Variants in NPY2R observed in about 807,000 individuals in gnomAD.
The protein encoded by NPY2R is neuropeptide Y receptor Y2, also known as neuropeptide Y receptor type 2.
Under a neutral mutation model 22.3 loss-of-function variants are expected in NPY2R, and 17 were observed. The ratio of observed to expected loss-of-function variants is 0.76; its 90% CI spans 0.52 to 1.14. NPY2R has a LOEUF of 1.14. Among genes scored for constraint, NPY2R ranks in the 50% most tolerant of loss-of-function variants. The pLI is 0.00. For synonymous variants in NPY2R, 209 were observed against 183.4 expected (o/e 1.14, Z -1.13); for missense variants, 424 against 467.9 (o/e 0.91, Z 0.87).
upstream of NPY2R, among the ~76,000 whole-genome samples, chr4:155,204,868 C>T (rs977695263): frequency 5.3e-5 from 6 of 112,150 alleles, no homozygotes; most frequent in South Asian, 2.9e-4. Context: ...TATACTGGGG[C>T]GGGGGGCGGG....
chr4:155,197,453 C>T, the NPY2R span, among the ~76,000 whole-genome samples: 1 of 151,776 alleles, frequency 6.6e-6, no homozygotes, highest in African/African-American at 2.4e-5. Flanking sequence ...TCTTTCCTGC[C>T]TGCTTTCCTT....
At chr4:155,211,862 A>G (rs1037131662) in intron 1 of NPY2R, among the ~76,000 whole-genome samples, 3 of 152,206 alleles carry the variant, frequency 2.0e-5, no homozygotes, top group East Asian at 1.9e-4. Context: ...GGTCTGTCCT[A>G]TGAAAACCAG....
rs1460626343 is a variant in NPY2R, at chr4:155,214,760, T to C, written c.821T>C (p.Val274Ala). The change falls in exon 2 of 2, where the codon GTG becomes GCG. Residue 274 changes from valine to alanine, a missense_variant. Val to Ala is a moderately conservative substitution (Grantham distance 64, BLOSUM62 0). Transcript: ENST00000329476. Reference protein sequence around the residue: ...QKTTKMLVCVVVVFAVSWLPL... With the variant: ...QKTTKMLVCVAVVFAVSWLPL... ...ACCACCAAAATGCTGGTGTGTGTGGTGGTGGTGTTTGCGGTCAGCTGGCTG... is the reference window on the plus strand; with the variant it reads ...ACCACCAAAATGCTGGTGTGTGTGGCGGTGGTGTTTGCGGTCAGCTGGCTG... The C allele has an allele frequency of 1.2e-6, 2 of 1,613,962 alleles. No homozygotes were observed. The highest frequency in any genetic ancestry group is 1.1e-5 in the South Asian group (1 of 91,088).
the NPY2R span, among the ~76,000 whole-genome samples, chr4:155,174,484 A>ATATTTTT: frequency 0.042 from 4,408 of 105,924 alleles, 96 homozygotes; most frequent in Middle Eastern, 0.061. Flanking sequence ...ATATATATAT[A>ATATTTTT]TTTTTTTTTT....
chr4:155,210,942 T>A (rs2111039063), intron 1 of NPY2R, among the ~76,000 whole-genome samples: 1 of 151,772 alleles, frequency 6.6e-6, no homozygotes, highest in Non-Finnish European at 1.5e-5. Flanking sequence ...ATTTAAAATG[T>A]TATAATCAGG....
chr4:155,204,705 T>A (rs1405261820), upstream of NPY2R, among the ~76,000 whole-genome samples: 1 of 152,086 alleles, frequency 6.6e-6, no homozygotes, highest in Non-Finnish European at 1.5e-5. Flanking sequence ...TTGACATATT[T>A]TTAAGCTTAA....
At chr4:155,196,219 T>C in the NPY2R span, among the ~76,000 whole-genome samples, 3 of 151,432 alleles carry the variant, frequency 2.0e-5, no homozygotes, top group Non-Finnish European at 4.4e-5. Flanking sequence ...TCACTTTTTC[T>C]GCTTCTTCTT....
chr4:155,191,738 A>T, the NPY2R span, among the ~76,000 whole-genome samples: 2 of 151,880 alleles, frequency 1.3e-5, no homozygotes, highest in African/African-American at 4.8e-5. Context: ...GCTGGACTAA[A>T]TTTATGGCTT....
rs916968940 is a variant in NPY2R, at chr4:155,209,050, A to G, written c.-68A>G. ...CACATCTTGTTTCCGCGTCTCCGCA[A>G]AAACGCGAGGTCCAGGTCAGTAAGT... On this transcript the variant is annotated 5_prime_UTR_variant, in exon 1 of 2. Coordinates refer to ENST00000329476, the MANE Select transcript of NPY2R (RefSeq NM_000910.4). The G allele has an allele frequency of 3.9e-5, 6 of 152,296 alleles. No individual in the cohort carries two copies. Among genetic ancestry groups the G allele is most frequent in the African/African-American group, 7.2e-5 (3 of 41,458 alleles). 9.4% of individuals were successfully genotyped at this position (152,296 alleles called of 1,614,324 possible). A position where few individuals can be genotyped will look rare whatever the true frequency, so the allele number is the denominator to read the frequency against.
chr4:155,188,799 G>A, the NPY2R span, among the ~76,000 whole-genome samples: 2,261 of 152,126 alleles, frequency 0.015, 34 homozygotes, highest in Non-Finnish European at 0.023. Flanking sequence ...CCTCAGATGG[G>A]ACCCCATATT....
chr4:155,213,650 C>G (rs41280477), intron 1 of NPY2R, among the ~76,000 whole-genome samples: 57 of 152,132 alleles, frequency 3.7e-4, no homozygotes, highest in African/African-American at 1.3e-3. Flanking sequence ...TATACTTTAC[C>G]GTCATAGCAT....
chr4:155,186,243 A>C, the NPY2R span, among the ~76,000 whole-genome samples: 1 of 152,162 alleles, frequency 6.6e-6, no homozygotes, highest in Non-Finnish European at 1.5e-5. Context: ...ATATAAAACA[A>C]TTTGTCAGAC....
the NPY2R span, among the ~76,000 whole-genome samples, chr4:155,186,217 A>T: frequency 6.6e-6 from 1 of 152,174 alleles, no homozygotes; most frequent in African/African-American, 2.4e-5. Flanking sequence ...ACACATTAGA[A>T]AACATGATTC....
the NPY2R span, among the ~76,000 whole-genome samples, chr4:155,194,195 T>C: frequency 3.3e-5 from 5 of 151,994 alleles, no homozygotes; most frequent in Admixed American, 1.3e-4. Flanking sequence ...AGAGATCTAC[T>C]GTACAGCATA....
the NPY2R span, among the ~76,000 whole-genome samples, chr4:155,185,675 T>C: frequency 6.6e-6 from 1 of 152,224 alleles, no homozygotes; most frequent in South Asian, 2.1e-4. Context: ...ATGCATTTTT[T>C]TTTTTTTGTA....
At chr4:155,197,387 C>T in the NPY2R span, among the ~76,000 whole-genome samples, 117 of 151,858 alleles carry the variant, frequency 7.7e-4, no homozygotes, top group Non-Finnish European at 1.5e-3. Flanking sequence ...TGTGTGACTT[C>T]TCTACTTTTC....
chr4:155,187,551 T>C, the NPY2R span, among the ~76,000 whole-genome samples: 4 of 149,418 alleles, frequency 2.7e-5, no homozygotes, highest in African/African-American at 9.8e-5. Flanking sequence ...AGGAGCAGCG[T>C]GAGAGAGAGA....
chr4:155,188,451 C>T, the NPY2R span, among the ~76,000 whole-genome samples: 2 of 152,098 alleles, frequency 1.3e-5, no homozygotes, highest in African/African-American at 2.4e-5. Flanking sequence ...CCTGATTTCC[C>T]CTGTCTCCCA....
At chr4:155,212,656 G>A (rs1729430506) in intron 1 of NPY2R, among the ~76,000 whole-genome samples, 1 of 152,168 alleles carries the variant, frequency 6.6e-6, no homozygotes, top group African/African-American at 2.4e-5. Context: ...AAAGAGGATG[G>A]GAGGTAAGTT....
Sources: allele counts gnomAD v4.1 joint callset (sites outside exome capture counted in the v4.1 genomes callset), GRCh38; gene constraint gnomAD v4.1.1; transcripts MANE v1.5; gene names NCBI Gene and HGNC (gene_info 2026-07-23, HGNC 2026-07-21).